STOX2: variants seen among roughly 807,000 people sequenced by gnomAD.
STOX2 encodes the protein storkhead box 2, also known as storkhead-box protein 2.
A neutral mutation model predicts 60.9 loss-of-function variants in STOX2; 28 were observed. The ratio of observed to expected loss-of-function variants is 0.46; its 90% CI spans 0.34 to 0.63. The LOEUF is 0.63. STOX2 is among the 30% of genes least tolerant of loss of function. The probability of loss-of-function intolerance (pLI) is 0.01; values close to 1 mark genes in which losing one functional copy is unlikely to be tolerated. For synonymous variants in STOX2, 472 were observed against 463.9 expected, an observed-to-expected ratio of 1.02 and a Z score of -0.22; for missense variants, 1,024 against 1,187.7, an observed-to-expected ratio of 0.86 and a Z score of 2.03.
intron 1 of STOX2, among the ~76,000 whole-genome samples, chr4:183,972,313 G>A (rs1324760832): frequency 1.3e-5 from 2 of 152,158 alleles, no homozygotes; most frequent in African/African-American, 4.8e-5. Flanking sequence ...ATGTGGCTGA[G>A]CAAGGCAACT....
chr4:183,860,479 T>G (rs1474195577), intron 1 of STOX2, among the ~76,000 whole-genome samples: 1 of 141,898 alleles, frequency 7.0e-6, no homozygotes, highest in African/African-American at 2.5e-5. Context: ...AAGAAAAAAT[T>G]GGAGAATTGA....
At chr4:183,963,920 CG>C (rs1329165461) in intron 1 of STOX2, among the ~76,000 whole-genome samples, 1 of 151,462 alleles carries the variant, frequency 6.6e-6, no homozygotes, top group African/African-American at 2.4e-5. Flanking sequence ...GGACTACAGG[CG>C]CCCACCACCA....
intron 1 of STOX2, among the ~76,000 whole-genome samples, chr4:183,877,962 T>G (rs1740870020): frequency 6.6e-6 from 1 of 152,200 alleles, no homozygotes; most frequent in African/African-American, 2.4e-5. Flanking sequence ...AGTGCTGGGA[T>G]TACAGGTGTG....
chr4:183,855,011 A>G (rs1030908845), intron 1 of STOX2, among the ~76,000 whole-genome samples: 2 of 152,210 alleles, frequency 1.3e-5, no homozygotes, highest in African/African-American at 4.8e-5. Context: ...CCCCTGAAAT[A>G]TTAATGTTTA....
chr4:184,013,252 G>A (rs1195109526), intron 3 of STOX2, among the ~76,000 whole-genome samples: 2 of 152,168 alleles, frequency 1.3e-5, no homozygotes, highest in African/African-American at 2.4e-5. Flanking sequence ...TTGTTTGAAG[G>A]TAAACAGAGA....
chr4:183,933,601 C>T (rs1427091833), intron 1 of STOX2, among the ~76,000 whole-genome samples: 1 of 152,122 alleles, frequency 6.6e-6, no homozygotes, highest in East Asian at 1.9e-4. Flanking sequence ...GTTGGCCGGG[C>T]TGGCCTCGAA....
intron 1 of STOX2, among the ~76,000 whole-genome samples, chr4:183,913,001 A>G (rs922466904): frequency 1.3e-5 from 2 of 152,230 alleles, no homozygotes; most frequent in African/African-American, 4.8e-5. Flanking sequence ...GGATACAATC[A>G]AGAGTCAAGT....
Position 183,859,148 on chromosome 4 carries a change from G to GATAAC in STOX2, c.364+61093_364+61094insATAAC, listed in dbSNP as rs1208026806. Among the ~76,000 whole-genome samples the GATAAC allele has an allele frequency of 5.9e-5, 9 of 152,318 alleles. No individual in the cohort carries two copies. In the East Asian group the frequency reaches 1.7e-3, roughly 29 times the overall value. ...AGGCTACACCTTGGGATTAGGAGGG[G>GATAAC]CAGTTCCTGGGATCCCACGGTGCCT... On this transcript the variant is annotated intron_variant, in intron 1 of 2. Transcript: ENST00000513034.
In STOX2 at chr4:183,906,770, C is replaced by A; in HGVS notation, c.-21C>A. On this transcript the variant is annotated 5_prime_UTR_variant, in exon 1 of 4. Coordinates refer to ENST00000308497, the MANE Select transcript of STOX2 (RefSeq NM_020225.3). Reference sequence around the variant, plus strand: ...GGCGCTGAGGCCCCGAGGATCGGGGCGGCAGGTCGCCCTCCCCACCATGAA... The same window carrying A: ...GGCGCTGAGGCCCCGAGGATCGGGGAGGCAGGTCGCCCTCCCCACCATGAA... 1 of 1,502,958 alleles carries A rather than the reference C, an allele frequency of 6.7e-7. No homozygotes were observed. The highest frequency in any genetic ancestry group is 8.9e-7 in the Non-Finnish European group (1 of 1,119,728). 93.1% of individuals were successfully genotyped at this position (1,502,958 alleles called of 1,614,324 possible).
intron 1 of STOX2, among the ~76,000 whole-genome samples, chr4:183,847,638 A>C (rs1055883245): frequency 2.0e-5 from 3 of 152,116 alleles, no homozygotes; most frequent in Non-Finnish European, 4.4e-5. Flanking sequence ...CCACAATCGA[A>C]CTGGATAGGA....
At chr4:183,956,830 T>C (rs1027026375) in intron 1 of STOX2, among the ~76,000 whole-genome samples, 1 of 152,104 alleles carries the variant, frequency 6.6e-6, no homozygotes, top group Non-Finnish European at 1.5e-5. Flanking sequence ...TCCTTTTGCA[T>C]TTTATGAAAC....
rs139371054 is a variant in STOX2, at chr4:183,801,415, G to A, written c.364+3360G>A. 5.4e-3 allele frequency among the ~76,000 whole-genome samples: 821 copies of A among 152,350 alleles called. 6 individuals are homozygous for A. Among genetic ancestry groups the A allele is most frequent in the African/African-American group, 0.019 (772 of 41,590 alleles). On this transcript the variant is annotated intron_variant, in intron 1 of 2. Coordinates refer to the STOX2 transcript ENST00000513034. ...ATACATGTTTATTGAGTGCTTTCTA[G>A]CGCCAGCCTCTGTGTCACTCCTGCA...
intron 1 of STOX2, among the ~76,000 whole-genome samples, chr4:183,925,565 A>G (rs933151744): frequency 6.6e-6 from 1 of 152,172 alleles, no homozygotes; most frequent in Admixed American, 6.5e-5. Context: ...TCTGAAGGAC[A>G]CTTGAGCTCT....
intron 1 of STOX2, among the ~76,000 whole-genome samples, chr4:183,858,875 T>G (rs1476135766): frequency 1.3e-5 from 2 of 152,226 alleles, no homozygotes; most frequent in Non-Finnish European, 2.9e-5. Context: ...GTATAATTAT[T>G]GGAAGCAATT....
intron 1 of STOX2, chr4:183,987,679 G>C (rs1264742347): frequency 6.6e-6 from 1 of 152,248 alleles, no homozygotes; most frequent in Admixed American, 6.5e-5. Context: ...GCACTGGCTG[G>C]TGCTGGGTGA....
chr4:183,933,793 G>A (rs1742509248), intron 1 of STOX2, among the ~76,000 whole-genome samples: 1 of 152,108 alleles, frequency 6.6e-6, no homozygotes, highest in South Asian at 2.1e-4. Flanking sequence ...GTTTTAAAGA[G>A]CATTTATTAT....
Position 184,001,554 on chromosome 4 carries a change from C to G in STOX2, c.319+77C>G. ...TCTAGGACTCACGTGGACTGTTCTGCCCATGTTTAAAGAGAATAGGAAAAC... is the reference window on the plus strand; with the variant it reads ...TCTAGGACTCACGTGGACTGTTCTGGCCATGTTTAAAGAGAATAGGAAAAC... On this transcript the variant is annotated intron_variant, in intron 2 of 3. Coordinates refer to ENST00000308497, the MANE Select transcript of STOX2 (RefSeq NM_020225.3). The surrounding 1 kb of genome is among the most constrained non-coding windows in gnomAD (Gnocchi z 4.2). 9 of 1,406,530 alleles carry G rather than the reference C, an allele frequency of 6.4e-6. No homozygotes were observed. In the South Asian group the frequency reaches 1.2e-4, roughly 19 times the overall value. 87.1% of individuals were successfully genotyped at this position (1,406,530 alleles called of 1,614,324 possible). A position where few individuals can be genotyped will look rare whatever the true frequency, so the allele number is the denominator to read the frequency against.
intron 1 of STOX2, among the ~76,000 whole-genome samples, chr4:183,933,702 A>G (rs1356333420): frequency 1.3e-5 from 2 of 152,146 alleles, no homozygotes; most frequent in Non-Finnish European, 2.9e-5. Flanking sequence ...ACTCAGAAGT[A>G]TTAAGACATT....
chr4:184,000,199 G>T (rs1733525925), intron 1 of STOX2, among the ~76,000 whole-genome samples: 1 of 152,112 alleles, frequency 6.6e-6, no homozygotes, highest in Non-Finnish European at 1.5e-5. Flanking sequence ...CTCCATCCCA[G>T]AAATATTCCA....
Sources: allele counts gnomAD v4.1 joint callset (sites outside exome capture counted in the v4.1 genomes callset), GRCh38; gene constraint gnomAD v4.1.1; non-coding constraint Gnocchi (gnomAD v3.1); transcripts MANE v1.5; gene names NCBI Gene and HGNC (gene_info 2026-07-23, HGNC 2026-07-21).